AGMO: variants seen among roughly 807,000 people sequenced by gnomAD.
AGMO encodes the protein glyceryl-ether monooxygenase.
AGMO carries 75 observed loss-of-function variants against 60.2 expected under a neutral mutation model. The ratio of observed to expected loss-of-function variants is 1.25; its 90% CI spans 1.03 to 1.51. The LOEUF (loss-of-function observed/expected upper bound fraction) is 1.51. AGMO is among the 40% of genes most tolerant of loss of function. The probability of loss-of-function intolerance (pLI) is 0.00; values close to 1 mark genes in which losing one functional copy is unlikely to be tolerated. For missense variants in AGMO, 763 were observed against 525.5 expected (o/e 1.45, Z -4.42); for synonymous variants, 261 against 177.1 (o/e 1.47, Z -3.76).
In AGMO at chr7:15,340,139, C is replaced by T. The variant is rs548532520; in HGVS notation, c.1263+25375G>A. ...CTTGAGGATGGAACCCAAGCCTAAACTCAAAATTCATTTATGCTATATACA... is the reference window on the plus strand; with the variant it reads ...CTTGAGGATGGAACCCAAGCCTAAATTCAAAATTCATTTATGCTATATACA... On this transcript the variant is annotated intron_variant, in intron 12 of 12. Transcript: ENST00000342526. 6.0e-4 allele frequency among the ~76,000 whole-genome samples: 91 copies of T among 152,152 alleles called. 1 individual carries two copies. The highest frequency in any genetic ancestry group is 1.1e-3 in the Non-Finnish European group (77 of 68,038).
chr7:15,297,728 G>C (rs757923495), intron 12 of AGMO, among the ~76,000 whole-genome samples: 1 of 152,054 alleles, frequency 6.6e-6, no homozygotes, highest in Non-Finnish European at 1.5e-5. Flanking sequence ...AATTATGAAT[G>C]TATTTGCTCT....
the AGMO span, among the ~76,000 whole-genome samples, chr7:15,193,237 TATG>T: frequency 1.2e-5 from 1 of 85,642 alleles, no homozygotes; most frequent in Non-Finnish European, 2.1e-5. Context: ...ACAGCAAATG[TATG>T]ATATTTTCTA....
chr7:15,438,227 A>T (rs1386134283), intron 3 of AGMO, among the ~76,000 whole-genome samples: 1 of 151,806 alleles, frequency 6.6e-6, no homozygotes, highest in Non-Finnish European at 1.5e-5. Flanking sequence ...AATACTTAAA[A>T]ATCTAAATTA....
chr7:15,382,353 G>C (rs975607615), intron 10 of AGMO, among the ~76,000 whole-genome samples: 2 of 152,102 alleles, frequency 1.3e-5, no homozygotes, highest in Non-Finnish European at 2.9e-5. Context: ...CGAGGAATGT[G>C]CTCGGGGGAA....
At chr7:15,384,690 T>A (rs1408769065) in intron 10 of AGMO, among the ~76,000 whole-genome samples, 1 of 152,164 alleles carries the variant, frequency 6.6e-6, no homozygotes, top group Non-Finnish European at 1.5e-5. Context: ...TAAACTCACC[T>A]GTGATTCTAT....
At chr7:15,468,891 G>T (rs1010861219) in intron 3 of AGMO, among the ~76,000 whole-genome samples, 1 of 151,954 alleles carries the variant, frequency 6.6e-6, no homozygotes, top group African/African-American at 2.4e-5. Context: ...TTAAAATGCT[G>T]CTCTTGTTGG....
chr7:15,303,849 A>G (rs1780526605), intron 12 of AGMO, among the ~76,000 whole-genome samples: 1 of 152,170 alleles, frequency 6.6e-6, no homozygotes, highest in African/African-American at 2.4e-5. Flanking sequence ...ACATACACAT[A>G]TATTCTTGTT....
At chr7:15,156,262 G>T in the AGMO span, among the ~76,000 whole-genome samples, 9 of 152,206 alleles carry the variant, frequency 5.9e-5, no homozygotes, top group Non-Finnish European at 1.0e-4. Context: ...GCTTAGGCGA[G>T]ATCTGCCAGT....
chr7:15,232,309 G>A (rs1395709485), intron 12 of AGMO, among the ~76,000 whole-genome samples: 2 of 152,154 alleles, frequency 1.3e-5, no homozygotes, highest in Non-Finnish European at 2.9e-5. Flanking sequence ...AGGAAACAGG[G>A]CTTGTGAAGC....
intron 3 of AGMO, among the ~76,000 whole-genome samples, chr7:15,452,980 T>A (rs1781894139): frequency 6.6e-6 from 1 of 152,156 alleles, no homozygotes; most frequent in Non-Finnish European, 1.5e-5. Context: ...AAAGGACTTA[T>A]CGTGAATGAT....
chr7:15,493,365 C>CTTTTTTTT lies in AGMO; in HGVS notation c.409+51399_409+51406dup, dbSNP rs71004387. Among the ~76,000 whole-genome samples, 3 of 66,654 alleles carry CTTTTTTTT rather than the reference C, an allele frequency of 4.5e-5. 1 individual carries two copies. Among genetic ancestry groups the CTTTTTTTT allele is most frequent in the Admixed American group, 3.7e-4 (2 of 5,364 alleles). The allele number at this position is 66,654 out of a possible 152,430, so 43.7% of individuals were successfully genotyped here. A position where few individuals can be genotyped will look rare whatever the true frequency, so the allele number is the denominator to read the frequency against. ...CACACACACACACACACACACACTTCTTTTTTTTTTTTTTTTTTTTTTTTT... is the reference window on the plus strand; with the variant it reads ...CACACACACACACACACACACACTTCTTTTTTTTTTTTTTTTTTTTTTTTTTTTTTTTT... On this transcript the variant is annotated intron_variant, in intron 3 of 12. Transcript: ENST00000342526.
At chr7:15,373,052 C>G (rs1336806897) in intron 10 of AGMO, among the ~76,000 whole-genome samples, 9 of 152,032 alleles carry the variant, frequency 5.9e-5, no homozygotes, top group Admixed American at 5.9e-4. Context: ...TCACTTGAGG[C>G]CAGGAGTTCG....
intron 2 of AGMO, among the ~76,000 whole-genome samples, chr7:15,546,650 C>T (rs182592042): frequency 6.6e-6 from 1 of 152,210 alleles, no homozygotes; most frequent in East Asian, 1.9e-4. Flanking sequence ...TGTGAGGTCC[C>T]TCCTGGGGCA....
At chr7:15,179,749 G>A in the AGMO span, among the ~76,000 whole-genome samples, 9 of 152,176 alleles carry the variant, frequency 5.9e-5, no homozygotes, top group Non-Finnish European at 1.3e-4. Flanking sequence ...TGAATCCCCA[G>A]GCTATATGTG....
chr7:15,362,015 A>C (rs1408040335), intron 12 of AGMO, among the ~76,000 whole-genome samples: 1 of 152,150 alleles, frequency 6.6e-6, no homozygotes, highest in Non-Finnish European at 1.5e-5. Context: ...AGCTTCAAAG[A>C]AAAATGAAGA....
intron 12 of AGMO, among the ~76,000 whole-genome samples, chr7:15,354,354 A>G (rs1782384589): frequency 1.3e-5 from 1 of 76,436 alleles, no homozygotes; most frequent in African/African-American, 5.7e-5. Context: ...GCGTGTATAT[A>G]GACGTGTGTA....
chr7:15,550,397 C>T (rs1235838076), intron 2 of AGMO, among the ~76,000 whole-genome samples: 1 of 151,786 alleles, frequency 6.6e-6, no homozygotes, highest in Non-Finnish European at 1.5e-5. Context: ...TTGAAAGGAT[C>T]AACAAAATTG....
intron 3 of AGMO, among the ~76,000 whole-genome samples, chr7:15,466,819 G>C (rs1274876845): frequency 6.6e-6 from 1 of 152,110 alleles, no homozygotes; most frequent in Non-Finnish European, 1.5e-5. Context: ...GATACAGTTG[G>C]TTCAAGCAAA....
intron 3 of AGMO, among the ~76,000 whole-genome samples, chr7:15,530,502 CGT>C: frequency 3.3e-5 from 1 of 30,746 alleles, no homozygotes; most frequent in East Asian, 2.5e-3. Context: ...ATTCTATATA[CGT>C]ATTTCTATAT....
Sources: allele counts gnomAD v4.1 joint callset (sites outside exome capture counted in the v4.1 genomes callset), GRCh38; gene constraint gnomAD v4.1.1; transcripts MANE v1.5; gene names NCBI Gene and HGNC (gene_info 2026-07-23, HGNC 2026-07-21).